ATXN1: variants seen among roughly 807,000 people sequenced by gnomAD.
The protein encoded by ATXN1 is ataxin-1.
In ATXN1, 8 loss-of-function variants were observed where a neutral mutation model predicts 56.4. The ratio of observed to expected loss-of-function variants is 0.14; its 90% confidence interval spans 0.08 to 0.26. The LOEUF is 0.26. Among genes scored for constraint, ATXN1 ranks in the 10% least tolerant of loss-of-function variants. ATXN1 has a pLI of 1.00. For missense variants in ATXN1, 987 were observed against 1,106.5 expected, an observed-to-expected ratio of 0.89 and a Z score of 1.53; for synonymous variants, 514 against 494.6, an observed-to-expected ratio of 1.04 and a Z score of -0.52.
At chr6:16,402,769 G>A (rs1341190343) in intron 6 of ATXN1, among the ~76,000 whole-genome samples, 1 of 152,202 alleles carries the variant, frequency 6.6e-6, no homozygotes, top group South Asian at 2.1e-4. Flanking sequence ...TGTGCCCAGG[G>A]CTGTTGTCTC....
chr6:16,449,715 G>A (rs1274000192), intron 6 of ATXN1, among the ~76,000 whole-genome samples: 4 of 152,086 alleles, frequency 2.6e-5, no homozygotes, highest in East Asian at 3.9e-4. Flanking sequence ...AAGTGAACAC[G>A]TTTTAAGTGG....
chr6:16,620,698 G>A (rs1274871795), intron 3 of ATXN1, among the ~76,000 whole-genome samples: 1 of 152,192 alleles, frequency 6.6e-6, no homozygotes, highest in Non-Finnish European at 1.5e-5. Context: ...CCCCCAAAAG[G>A]CTTTAGCCCT....
chr6:16,723,552 C>T (rs1046163498), intron 2 of ATXN1, among the ~76,000 whole-genome samples: 3 of 152,102 alleles, frequency 2.0e-5, no homozygotes, highest in Admixed American at 6.6e-5. Flanking sequence ...ATGAATCTAG[C>T]GCATTTCCCC....
chr6:16,491,979 C>T (rs949168444), intron 5 of ATXN1, among the ~76,000 whole-genome samples: 1 of 151,968 alleles, frequency 6.6e-6, no homozygotes, highest in Admixed American at 6.6e-5. Flanking sequence ...CTTGGTCCTA[C>T]GACCACAAGA....
intron 7 of ATXN1, among the ~76,000 whole-genome samples, chr6:16,320,633 G>T (rs575152027): frequency 6.6e-6 from 1 of 152,248 alleles, no homozygotes; most frequent in African/African-American, 2.4e-5. Context: ...GGGCCATCCT[G>T]GGCAGGGCTG....
At chr6:16,685,243 A>AGG (rs1459061066) in intron 2 of ATXN1, among the ~76,000 whole-genome samples, 1 of 152,210 alleles carries the variant, frequency 6.6e-6, no homozygotes, top group African/African-American at 2.4e-5. Flanking sequence ...CACACTGATC[A>AGG]TAAAGCAATA....
chr6:16,606,522 G>GT (rs77088625), intron 3 of ATXN1, among the ~76,000 whole-genome samples: 275 of 147,890 alleles, frequency 1.9e-3, no homozygotes, highest in African/African-American at 5.7e-3. Flanking sequence ...TTGTTTGTGG[G>GT]TTTTTTTTTT....
At chr6:16,544,360 A>T (rs963307938) in intron 4 of ATXN1, among the ~76,000 whole-genome samples, 1 of 152,148 alleles carries the variant, frequency 6.6e-6, no homozygotes, top group Non-Finnish European at 1.5e-5. Context: ...ACTCCGCCTC[A>T]AGGCCTCCCC....
At chr6:16,632,827 G>A (rs1178606894) in intron 3 of ATXN1, among the ~76,000 whole-genome samples, 2 of 151,782 alleles carry the variant, frequency 1.3e-5, no homozygotes, top group African/African-American at 4.8e-5. Context: ...AGACCTCGTC[G>A]CTACTAATAA....
At chr6:16,439,381 GAATAA>G (rs1247960447) in intron 6 of ATXN1, among the ~76,000 whole-genome samples, 100 of 12,758 alleles carry the variant, frequency 7.8e-3, no homozygotes, top group Middle Eastern at 0.021. Flanking sequence ...GGCGGGGCGG[GAATAA>G]GGGTTGGGGT....
chr6:16,745,262 G>T (rs1760485772), intron 2 of ATXN1, among the ~76,000 whole-genome samples: 1 of 152,208 alleles, frequency 6.6e-6, no homozygotes, highest in Non-Finnish European at 1.5e-5. Flanking sequence ...TCTGATGTGA[G>T]TGTGTCCTCG....
intron 6 of ATXN1, among the ~76,000 whole-genome samples, chr6:16,425,584 T>C (rs1308011198): frequency 6.6e-6 from 1 of 152,226 alleles, no homozygotes; most frequent in Non-Finnish European, 1.5e-5. Context: ...AACAATTCAG[T>C]TGTAATCTGG....
chr6:16,379,286 A>G (rs1043075403), intron 6 of ATXN1, among the ~76,000 whole-genome samples: 2 of 152,184 alleles, frequency 1.3e-5, no homozygotes, highest in African/African-American at 2.4e-5. Context: ...GGAGAGGGAT[A>G]AAAGACTGCA....
intron 6 of ATXN1, among the ~76,000 whole-genome samples, chr6:16,479,780 G>A (rs75905425): frequency 0.016 from 2,446 of 152,224 alleles, 21 homozygotes; most frequent in South Asian, 0.057. Context: ...AAGTTCAGTT[G>A]GAAACACTGC....
chr6:16,731,711 T>A (rs1041596065), intron 2 of ATXN1, among the ~76,000 whole-genome samples: 1 of 152,042 alleles, frequency 6.6e-6, no homozygotes, highest in Non-Finnish European at 1.5e-5. Context: ...AAAGTACATT[T>A]GTCATTTAAT....
At position 16,301,485 on chromosome 6, in the gene ATXN1, T is replaced by TA. The variant is rs1760097594; in HGVS notation, c.*4843dup. On this transcript the variant is annotated 3_prime_UTR_variant, in exon 8 of 8. Transcript: ENST00000436367. ...CACAATAGCAGATGCATGTGCTTTA[T>TA]AAAAAAGTATATTCTCTGTATATTT... The TA allele has an allele frequency of 6.6e-6, 1 of 152,486 alleles. No homozygotes were observed. The highest frequency in any genetic ancestry group is 1.5e-5 in the Non-Finnish European group (1 of 68,012). 9.4% of individuals were successfully genotyped at this position (152,486 alleles called of 1,614,324 possible). A position where few individuals can be genotyped will look rare whatever the true frequency, so the allele number is the denominator to read the frequency against.
rs906337959 is a variant in ATXN1 at position 16,579,494 on chromosome 6, C to G, written c.-361+6286G>C. 2.5e-3 allele frequency among the ~76,000 whole-genome samples: 122 copies of G among 48,270 alleles called. 17 individuals carry two copies. The highest frequency in any genetic ancestry group is 0.012 in the African/African-American group (116 of 9,630). 31.7% of individuals were successfully genotyped at this position (48,270 alleles called of 152,430 possible). On this transcript the variant is annotated intron_variant, in intron 4 of 7. Transcript: ENST00000436367. ...CCTTGGTCAAAGCCCCCCCCCCCCACCCGCCGATTCATTCCCAAGTCCAAG... is the reference window on the plus strand; with the variant it reads ...CCTTGGTCAAAGCCCCCCCCCCCCAGCCGCCGATTCATTCCCAAGTCCAAG...
At chr6:16,477,446 GA>G (rs1315102880) in intron 6 of ATXN1, among the ~76,000 whole-genome samples, 1 of 152,222 alleles carries the variant, frequency 6.6e-6, no homozygotes, top group African/African-American at 2.4e-5. Context: ...GAGCAATTAA[GA>G]AGATTACAAA....
intron 6 of ATXN1, among the ~76,000 whole-genome samples, chr6:16,447,894 T>C (rs1278586512): frequency 6.6e-6 from 1 of 152,134 alleles, no homozygotes; most frequent in African/African-American, 2.4e-5. Context: ...TAAGTAACTG[T>C]AGTTTCAGAA....
Sources: gnomAD v4.1 joint callset for allele counts (sites outside exome capture counted in the v4.1 genomes callset) on GRCh38, gnomAD v4.1.1 for gene constraint, MANE v1.5 for transcripts, NCBI Gene and HGNC (gene_info 2026-07-23, HGNC 2026-07-21) for gene names.